Variants in EPHA3 observed in about 807,000 individuals in gnomAD.
EPHA3 encodes EPH receptor A3.
A neutral mutation model predicts 107.1 loss-of-function variants in EPHA3; 42 were observed. The ratio of observed to expected loss-of-function variants is 0.39; its 90% confidence interval spans 0.31 to 0.51. EPHA3 has a LOEUF of 0.51. Among genes scored for constraint, EPHA3 ranks in the 20% least tolerant of loss-of-function variants. EPHA3 has a pLI of 0.78. For synonymous variants in EPHA3, 461 were observed against 424.8 expected (o/e 1.09, Z -1.05); for missense variants, 1,183 against 1,211.2 (o/e 0.98, Z 0.35).
At chr3:89,163,381 G>C (rs1034128985) in intron 2 of EPHA3, among the ~76,000 whole-genome samples, 1 of 151,788 alleles carries the variant, frequency 6.6e-6, no homozygotes, top group African/African-American at 2.4e-5. Context: ...TTGAGGGGTC[G>C]GGGGAGAAGG....
At chr3:89,422,353 GCA>G (rs145746852) in intron 11 of EPHA3, among the ~76,000 whole-genome samples, 5 of 145,012 alleles carry the variant, frequency 3.4e-5, no homozygotes, top group Admixed American at 6.9e-5. Context: ...ATGCACACAT[GCA>G]CACACACACA....
At chr3:89,364,572 T>C (rs1576337876) in intron 5 of EPHA3, among the ~76,000 whole-genome samples, 1 of 151,182 alleles carries the variant, frequency 6.6e-6, no homozygotes. Context: ...GCCATGCAAA[T>C]TGAACTTGCA....
In EPHA3 at chr3:89,395,891, C is replaced by T. The variant is rs1373094456; in HGVS notation, c.1361C>T (p.Ser454Phe). ...GATCGGACCTCCAGAAATAGCATCTCTTTGTCCTGGCAAGAACCTGAACAT... is the reference window on the plus strand; with the variant it reads ...GATCGGACCTCCAGAAATAGCATCTTTTTGTCCTGGCAAGAACCTGAACAT... ...KKDRTSRNSI[S>F]LSWQEPEHPN... The change falls in exon 6 of 17, where the codon TCT (serine) becomes TTT (phenylalanine). Residue 454 changes from serine to phenylalanine, a missense_variant. Ser to Phe is a radical substitution (Grantham distance 155). Transcript: ENST00000336596. 4 of 1,614,106 alleles carry T rather than the reference C, an allele frequency of 2.5e-6. No individual in the cohort carries two copies. The highest frequency in any genetic ancestry group is 3.4e-6 in the Non-Finnish European group (4 of 1,179,982).
chr3:89,233,988 G>A (rs1319656034), intron 3 of EPHA3, among the ~76,000 whole-genome samples: 1 of 152,158 alleles, frequency 6.6e-6, no homozygotes, highest in East Asian at 1.9e-4. Flanking sequence ...TGGGTTTAGT[G>A]TGAAAGTAGA....
intron 6 of EPHA3, among the ~76,000 whole-genome samples, chr3:89,396,295 G>GT (rs931195601): frequency 2.0e-5 from 3 of 152,136 alleles, no homozygotes; most frequent in African/African-American, 7.2e-5. Flanking sequence ...TTTGTGAACT[G>GT]TTTTTTTAGT....
chr3:89,159,722 A>G (rs557465656), intron 2 of EPHA3, among the ~76,000 whole-genome samples: 1 of 152,222 alleles, frequency 6.6e-6, no homozygotes, highest in East Asian at 1.9e-4. Context: ...GACCCCCAAC[A>G]TTAATTACTA....
chr3:89,454,639 T>C (rs1173111932), intron 15 of EPHA3, among the ~76,000 whole-genome samples: 3 of 152,174 alleles, frequency 2.0e-5, no homozygotes, highest in Non-Finnish European at 1.5e-5. Context: ...CAGTCACCTG[T>C]TTATAATCAA....
At chr3:89,440,557 G>A (rs993326241) in intron 13 of EPHA3, among the ~76,000 whole-genome samples, 1 of 152,190 alleles carries the variant, frequency 6.6e-6, no homozygotes, top group Non-Finnish European at 1.5e-5. Flanking sequence ...GCTGACTTCA[G>A]TTAAGCTCCT....
At chr3:89,419,615 T>C (rs1345615907) in intron 11 of EPHA3, among the ~76,000 whole-genome samples, 1 of 151,354 alleles carries the variant, frequency 6.6e-6, no homozygotes, top group Non-Finnish European at 1.5e-5. Context: ...AAAAAAATAC[T>C]AGAAGCCACA....
At chr3:89,374,827 T>G (rs1337949667) in intron 5 of EPHA3, among the ~76,000 whole-genome samples, 2 of 151,568 alleles carry the variant, frequency 1.3e-5, no homozygotes, top group Non-Finnish European at 3.0e-5. Context: ...AAAAACTAAA[T>G]TTTTGGTTCA....
rs191526344 is a variant in EPHA3, at chr3:89,328,967, G to T, written c.815-11949G>T. Among the ~76,000 whole-genome samples the T allele has an allele frequency of 3.3e-5, 5 of 152,202 alleles. No homozygotes were observed. In the East Asian group the frequency reaches 9.7e-4, roughly 29 times the overall value. Reference sequence around the variant, plus strand: ...CAAAGGCAACAAAATGTGTGCCGCTGTCTAAGATGTAACAATCTCAGGGAA... The same window carrying T: ...CAAAGGCAACAAAATGTGTGCCGCTTTCTAAGATGTAACAATCTCAGGGAA... On this transcript the variant is annotated intron_variant, in intron 3 of 16. Coordinates refer to ENST00000336596, the MANE Select transcript of EPHA3 (RefSeq NM_005233.6).
intron 2 of EPHA3, among the ~76,000 whole-genome samples, chr3:89,198,301 C>T (rs996155090): frequency 6.6e-6 from 1 of 152,126 alleles, no homozygotes; most frequent in Non-Finnish European, 1.5e-5. Flanking sequence ...CAGTTACAAC[C>T]ATTTTAAATG....
chr3:89,282,987 T>G (rs1018857092), intron 3 of EPHA3, among the ~76,000 whole-genome samples: 3 of 152,114 alleles, frequency 2.0e-5, no homozygotes, highest in Admixed American at 1.3e-4. Context: ...TGTATAAATA[T>G]CACTTTAAAA....
intron 5 of EPHA3, among the ~76,000 whole-genome samples, chr3:89,346,036 G>T (rs1251508935): frequency 2.5e-3 from 354 of 140,324 alleles, no homozygotes; most frequent in African/African-American, 9.1e-3. Context: ...ATTTGGGTTG[G>T]TTCCAAGTCT....
chr3:89,193,789 T>A (rs1291156511), intron 2 of EPHA3, among the ~76,000 whole-genome samples: 1 of 151,958 alleles, frequency 6.6e-6, no homozygotes, highest in Non-Finnish European at 1.5e-5. Flanking sequence ...ATGATATGAG[T>A]ACACACTATT....
In EPHA3 at chr3:89,399,376, G is replaced by A. The variant is rs765462880; in HGVS notation, c.1490G>A (p.Ser497Asn). 2 of 1,613,998 alleles carry A rather than the reference G, an allele frequency of 1.2e-6. No homozygotes were observed. The highest frequency in any genetic ancestry group is 1.7e-4 in the Middle Eastern group (1 of 6,060). The change falls in exon 7 of 17, where the codon AGT (serine) becomes AAT (asparagine). Residue 497 changes from serine to asparagine, a missense_variant. Transcript: ENST00000336596. Reference sequence around the variant, plus strand: ...GCAAGAGGCACAAATGTTACCATCAGTAGCCTCAAGCCTGACACTATATAC... The same window carrying A: ...GCAAGAGGCACAAATGTTACCATCAATAGCCTCAAGCCTGACACTATATAC... Reference protein sequence around the residue: ...LRARGTNVTISSLKPDTIYVF... With the variant: ...LRARGTNVTINSLKPDTIYVF...
intron 2 of EPHA3, among the ~76,000 whole-genome samples, chr3:89,162,777 A>C (rs1315397981): frequency 6.6e-6 from 1 of 152,168 alleles, no homozygotes; most frequent in Non-Finnish European, 1.5e-5. Context: ...CTGAGATTGC[A>C]AGGCCTTTTT....
At chr3:89,199,119 A>C (rs1196076932) in intron 2 of EPHA3, among the ~76,000 whole-genome samples, 1 of 152,222 alleles carries the variant, frequency 6.6e-6, no homozygotes, top group Non-Finnish European at 1.5e-5. Flanking sequence ...TTGGCTATAT[A>C]TGATTAGAAA....
chr3:89,404,494 G>A (rs1709019618), intron 7 of EPHA3, among the ~76,000 whole-genome samples: 1 of 152,062 alleles, frequency 6.6e-6, no homozygotes, highest in South Asian at 2.1e-4. Flanking sequence ...TGTGTAGGAT[G>A]GAGTAAAATG....
Sources: allele counts gnomAD v4.1 joint callset (sites outside exome capture counted in the v4.1 genomes callset), GRCh38; gene constraint gnomAD v4.1.1; transcripts MANE v1.5; gene names NCBI Gene and HGNC (gene_info 2026-07-23, HGNC 2026-07-21).